Variants in LIPI observed in about 807,000 individuals in gnomAD.
The protein encoded by LIPI is lipase member I.
LIPI carries 59 observed loss-of-function variants against 50.6 expected under a neutral mutation model. The ratio of observed to expected loss-of-function variants is 1.16; its 90% CI spans 0.94 to 1.45. The LOEUF (loss-of-function observed/expected upper bound fraction) is 1.45, where lower values mean the gene tolerates loss of function less well. Among genes scored for constraint, LIPI ranks in the 40% most tolerant of loss-of-function variants. The pLI is 0.00. For missense variants in LIPI, 586 were observed against 536.3 expected (o/e 1.09, Z -0.92); for synonymous variants, 203 against 178.2 (o/e 1.14, Z -1.11).
chr21:14,109,896 G>C (rs913913580), intron 9 of LIPI, among the ~76,000 whole-genome samples: 2 of 151,450 alleles, frequency 1.3e-5, no homozygotes, highest in Non-Finnish European at 3.0e-5. Flanking sequence ...CATGAATTTT[G>C]ATATCTTTTT....
intron 9 of LIPI, among the ~76,000 whole-genome samples, chr21:14,114,090 A>G (rs1259618824): frequency 3.9e-5 from 6 of 151,972 alleles, no homozygotes; most frequent in Non-Finnish European, 8.8e-5. Flanking sequence ...AGGCAGGAGA[A>G]TCACTTCAAC....
At chr21:14,113,375 A>G (rs2016490870) in intron 9 of LIPI, among the ~76,000 whole-genome samples, 3 of 152,248 alleles carry the variant, frequency 2.0e-5, no homozygotes. Flanking sequence ...AGAGATATAA[A>G]GAGGTGAGAA....
intron 5 of LIPI, among the ~76,000 whole-genome samples, chr21:14,166,029 T>C (rs543721756): frequency 5.1e-4 from 78 of 152,310 alleles, no homozygotes; most frequent in African/African-American, 1.9e-3. Context: ...ATGGTTAAGA[T>C]TAAATCCTGA....
chr21:14,172,873 A>C (rs898659708), intron 4 of LIPI, among the ~76,000 whole-genome samples: 16 of 152,292 alleles, frequency 1.1e-4, no homozygotes, highest in African/African-American at 3.1e-4. Flanking sequence ...TAATAATAAT[A>C]AAATAAAATA....
At chr21:14,161,819 CA>C (rs2018500762) in intron 7 of LIPI, among the ~76,000 whole-genome samples, 2 of 22,600 alleles carry the variant, frequency 8.8e-5, no homozygotes, top group African/African-American at 6.1e-4. Context: ...ATAATATATA[CA>C]AATATATATT....
At position 14,181,842 on chromosome 21, in the gene LIPI, G is replaced by C. The variant is rs751340581; in HGVS notation, c.559C>G (p.Pro187Ala). The change falls in exon 4 of 10, where the codon CCA becomes GCA. Residue 187 changes from proline to alanine, a missense_variant. Coordinates refer to ENST00000681601, the MANE Select transcript of LIPI (RefSeq NM_001302998.2). The part of the protein sequence containing the change: ...GRITGLDPAG[P>A]RFSRKPPYSR... ...TATGGTGGTTTTCTGGAGAACCTTG[G>C]CCCAGCAGGGTCAAGACCTGGAAAG... 5.6e-6 allele frequency: 9 copies of C among 1,608,622 alleles called. No homozygotes were observed. Among genetic ancestry groups the C allele is most frequent in the Non-Finnish European group, 7.7e-6 (9 of 1,175,700 alleles).
Position 14,188,397 on chromosome 21 carries a change from G to A in LIPI, c.432+637C>T, listed in dbSNP as rs144766776. Among the ~76,000 whole-genome samples the A allele has an allele frequency of 7.8e-3, 1,190 of 151,748 alleles. 12 individuals are homozygous for A. Among genetic ancestry groups the A allele is most frequent in the African/African-American group, 0.018 (751 of 41,392 alleles). On this transcript the variant is annotated intron_variant, in intron 2 of 9. Coordinates refer to ENST00000681601, the MANE Select transcript of LIPI (RefSeq NM_001302998.2). Reference sequence around the variant, plus strand: ...AGCCTGGCCAACATGGTGAAACCTCGTCTCTACTAAAAATACAAAAATTAG... The same window carrying A: ...AGCCTGGCCAACATGGTGAAACCTCATCTCTACTAAAAATACAAAAATTAG...
intron 4 of LIPI, among the ~76,000 whole-genome samples, chr21:14,176,582 G>A (rs1478873122): frequency 6.6e-6 from 1 of 151,342 alleles, no homozygotes; most frequent in Non-Finnish European, 1.5e-5. Flanking sequence ...TTTCAAAAAT[G>A]TATGGATTTT....
intron 7 of LIPI, among the ~76,000 whole-genome samples, chr21:14,161,864 CATATA>C (rs1414360048): frequency 1.0e-4 from 12 of 116,776 alleles, no homozygotes; most frequent in African/African-American, 3.5e-4. Flanking sequence ...TATATAATTA[CATATA>C]ATATAACATA....
intron 1 of LIPI, among the ~76,000 whole-genome samples, chr21:14,203,185 C>A (rs1013241859): frequency 6.6e-6 from 1 of 152,138 alleles, no homozygotes; most frequent in African/African-American, 2.4e-5. Flanking sequence ...CAGGAAACAA[C>A]AGGTGCTGGA....
intron 1 of LIPI, among the ~76,000 whole-genome samples, chr21:14,192,138 T>C (rs372206703): frequency 2.0e-5 from 3 of 152,272 alleles, no homozygotes; most frequent in East Asian, 3.9e-4. Context: ...ATCAGCAACA[T>C]TAATATCAAG....
At chr21:14,145,399 C>T (rs2017865988) in intron 8 of LIPI, among the ~76,000 whole-genome samples, 1 of 152,058 alleles carries the variant, frequency 6.6e-6, no homozygotes, top group Non-Finnish European at 1.5e-5. Context: ...ATGTCTTTCC[C>T]AAAGCCACAC....
At chr21:14,119,745 A>C (rs558140259) in intron 9 of LIPI, among the ~76,000 whole-genome samples, 2 of 152,336 alleles carry the variant, frequency 1.3e-5, no homozygotes, top group East Asian at 3.9e-4. Context: ...CAGTAGTCTT[A>C]GTGCAAATGC....
In LIPI at chr21:14,142,466, GATA is replaced by G. The variant is rs974893373; in HGVS notation, c.1295+2154_1295+2156del. Reference sequence around the variant, plus strand: ...TATATAAGTATATTTATAGATTATAGATAATATATTATATATATATTTTGTTGT... The same window carrying G: ...TATATAAGTATATTTATAGATTATAGATATATTATATATATATTTTGTTGT... On this transcript the variant is annotated intron_variant, in intron 9 of 9. Coordinates refer to ENST00000681601, the MANE Select transcript of LIPI (RefSeq NM_001302998.2). Among the ~76,000 whole-genome samples, 132 of 148,880 alleles carry G rather than the reference GATA, an allele frequency of 8.9e-4. 1 individual carries two copies. Among genetic ancestry groups the G allele is most frequent in the African/African-American group, 3.1e-3 (126 of 40,846 alleles).
In LIPI at chr21:14,188,982, C is replaced by A. The variant is rs116329165; in HGVS notation, c.432+52G>T. The A allele has an allele frequency of 4.7e-4, 637 of 1,365,548 alleles. 3 individuals are homozygous for A. In the African/African-American group the frequency reaches 8.3e-3, roughly 18 times the overall value. 84.6% of individuals were successfully genotyped at this position (1,365,548 alleles called of 1,614,324 possible). A position where few individuals can be genotyped will look rare whatever the true frequency, so the allele number is the denominator to read the frequency against. On this transcript the variant is annotated intron_variant, in intron 2 of 9. Coordinates refer to ENST00000681601, the MANE Select transcript of LIPI (RefSeq NM_001302998.2). ...ATGTAACACACTGCATATTGTATAG[C>A]ACGTATAATATATTGTATAGCATGT... is the stretch of plus-strand genomic sequence containing the variant.
chr21:14,170,852 A>G (rs2018872503), intron 4 of LIPI, among the ~76,000 whole-genome samples: 1 of 151,636 alleles, frequency 6.6e-6, no homozygotes. Context: ...ATAGTGTTGG[A>G]AGTTCTGGCC....
At chr21:14,112,076 A>G (rs2016438609) in intron 9 of LIPI, among the ~76,000 whole-genome samples, 1 of 152,014 alleles carries the variant, frequency 6.6e-6, no homozygotes, top group Non-Finnish European at 1.5e-5. Context: ...CTCCAACACT[A>G]TTTATTGAAG....
At chr21:14,115,547 T>C (rs927939447) in intron 9 of LIPI, among the ~76,000 whole-genome samples, 3 of 152,148 alleles carry the variant, frequency 2.0e-5, no homozygotes, top group Non-Finnish European at 4.4e-5. Context: ...TGGGGGCTCA[T>C]CTGGGATTGG....
intron 4 of LIPI, among the ~76,000 whole-genome samples, chr21:14,174,025 G>T (rs1739485): frequency 0.55 from 83,822 of 152,020 alleles, 23,522 homozygotes; most frequent in African/African-American, 0.6. Flanking sequence ...AATTTAACAG[G>T]GTCAGAGATT....
Sources: allele counts gnomAD v4.1 joint callset (sites outside exome capture counted in the v4.1 genomes callset), GRCh38; gene constraint gnomAD v4.1.1; transcripts MANE v1.5; gene names NCBI Gene and HGNC (gene_info 2026-07-23, HGNC 2026-07-21).